The following CAST variants were observed in gnomAD, a reference collection of about 807,000 sequenced individuals.
CAST encodes calpastatin.
Under a neutral mutation model 119.6 loss-of-function variants are expected in CAST, and 76 were observed. That is an observed-to-expected ratio of 0.64 (90% CI 0.53 to 0.77). The LOEUF (loss-of-function observed/expected upper bound fraction) is 0.77, where lower values mean the gene tolerates loss of function less well. CAST is among the 30% of genes least tolerant of loss of function. CAST has a pLI of 0.00. For synonymous variants in CAST, 319 were observed against 331.6 expected, an observed-to-expected ratio of 0.96 and a Z score of 0.41; for missense variants, 953 against 946.5, an observed-to-expected ratio of 1.01 and a Z score of -0.09.
At chr5:96,510,636 G>A in the CAST span, among the ~76,000 whole-genome samples, 1 of 152,068 alleles carries the variant, frequency 6.6e-6, no homozygotes, top group African/African-American at 2.4e-5. Context: ...ACTGCAGAAA[G>A]GCAATCCAAA....
chr5:96,334,406 A>T, the CAST span, among the ~76,000 whole-genome samples: 1 of 152,242 alleles, frequency 6.6e-6, no homozygotes, highest in Middle Eastern at 3.4e-3. Context: ...CCCTAGTGCA[A>T]CTTGGGTGAG....
the CAST span, among the ~76,000 whole-genome samples, chr5:96,346,775 T>C: frequency 6.6e-6 from 1 of 152,150 alleles, no homozygotes; most frequent in East Asian, 1.9e-4. Flanking sequence ...ACCTGTTCTG[T>C]GACCCCCATC....
At chr5:96,634,194 G>A (rs1747857757) in intron 1 of CAST, among the ~76,000 whole-genome samples, 1 of 152,174 alleles carries the variant, frequency 6.6e-6, no homozygotes, top group Non-Finnish European at 1.5e-5. Context: ...GATTTCTTTT[G>A]TGGAGTGTGT....
chr5:96,538,856 T>C (rs1353312845), intron 1 of CAST, among the ~76,000 whole-genome samples: 4 of 149,924 alleles, frequency 2.7e-5, no homozygotes, highest in Admixed American at 1.3e-4. Flanking sequence ...TTAAAAAAAA[T>C]CTCAGGAAGT....
At chr5:96,212,275 T>C in the CAST span, among the ~76,000 whole-genome samples, 1 of 152,184 alleles carries the variant, frequency 6.6e-6, no homozygotes, top group Non-Finnish European at 1.5e-5. Context: ...TGCTGTAAAT[T>C]TCCCTCTAAG....
At chr5:95,982,054 C>T in the CAST span, among the ~76,000 whole-genome samples, 858 of 150,640 alleles carry the variant, frequency 5.7e-3, 1 homozygote, top group Non-Finnish European at 9.4e-3. Flanking sequence ...CATTACAGTT[C>T]GATTACATAT....
the CAST span, among the ~76,000 whole-genome samples, chr5:96,217,681 A>G: frequency 6.6e-6 from 1 of 152,238 alleles, no homozygotes; most frequent in East Asian, 1.9e-4. Context: ...AATATGGATG[A>G]GTGTCAGAAA....
intron 3 of CAST, among the ~76,000 whole-genome samples, chr5:96,722,187 C>T (rs11738358): frequency 0.24 from 35,938 of 152,098 alleles, 4,961 homozygotes; most frequent in Non-Finnish European, 0.32. Context: ...AGACAAAGCT[C>T]AAAGTCACAG....
At chr5:96,152,909 A>G in the CAST span, among the ~76,000 whole-genome samples, 20 of 152,230 alleles carry the variant, frequency 1.3e-4, no homozygotes, top group Non-Finnish European at 2.8e-4. Context: ...TGCCTGACAC[A>G]CAGAAAGTTC....
chr5:96,244,850 CTT>C, the CAST span, among the ~76,000 whole-genome samples: 1 of 152,016 alleles, frequency 6.6e-6, no homozygotes, highest in African/African-American at 2.4e-5. Flanking sequence ...TATTGAGTGA[CTT>C]TGTGGGTAAT....
the CAST span, among the ~76,000 whole-genome samples, chr5:95,977,231 G>A: frequency 6.6e-6 from 1 of 152,180 alleles, no homozygotes; most frequent in South Asian, 2.1e-4. Flanking sequence ...GGAAGCACTG[G>A]CAGATTCAGT....
intron 29 of CAST, chr5:96,769,069 T>C (rs1263384724): frequency 6.6e-6 from 1 of 152,234 alleles, no homozygotes; most frequent in East Asian, 1.9e-4. Flanking sequence ...TCCCTCAAGC[T>C]ACACCCTCTT....
At chr5:96,109,290 T>C in the CAST span, among the ~76,000 whole-genome samples, 2 of 152,204 alleles carry the variant, frequency 1.3e-5, no homozygotes, top group Non-Finnish European at 2.9e-5. Context: ...TTAAACATGC[T>C]TGGCAAAAAC....
chr5:96,763,083 G>T, intron 25 of CAST: 1 of 772,654 alleles, frequency 1.3e-6, no homozygotes, highest in South Asian at 1.4e-5. Flanking sequence ...GTTGAGAACA[G>T]TGCCTCATTT....
chr5:96,119,588 A>T, the CAST span, among the ~76,000 whole-genome samples: 1 of 152,192 alleles, frequency 6.6e-6, no homozygotes, highest in African/African-American at 2.4e-5. Flanking sequence ...AGTGACTATT[A>T]TGTTTTCACA....
Position 96,767,578 on chromosome 5 carries a change from A to G in CAST, c.2175+96A>G. On this transcript the variant is annotated intron_variant, in intron 28 of 31. Transcript: ENST00000675179. Reference sequence around the variant, plus strand: ...GAAAACTAAAACATATTGAATGCCTACTCTGTGCCTGGTACTTTGTCAAAG... The same window carrying G: ...GAAAACTAAAACATATTGAATGCCTGCTCTGTGCCTGGTACTTTGTCAAAG... 3.6e-6 allele frequency: 3 copies of G among 840,470 alleles called. No individual in the cohort carries two copies. The South Asian group carries it at 4.4e-5, about 12-fold the overall frequency. 52.1% of individuals were successfully genotyped at this position (840,470 alleles called of 1,614,324 possible).
At chr5:96,018,245 A>G in the CAST span, among the ~76,000 whole-genome samples, 2 of 149,970 alleles carry the variant, frequency 1.3e-5, no homozygotes, top group Non-Finnish European at 2.9e-5. Flanking sequence ...AAAAATGCAG[A>G]AAAACTATTT....
chr5:96,373,334 G>A, the CAST span, among the ~76,000 whole-genome samples: 1 of 152,192 alleles, frequency 6.6e-6, no homozygotes, highest in Non-Finnish European at 1.5e-5. Context: ...GTAAGGTGCA[G>A]GGTAGGACAT....
intron 1 of CAST, among the ~76,000 whole-genome samples, chr5:96,648,399 A>C (rs555473542): frequency 6.6e-6 from 1 of 152,196 alleles, no homozygotes; most frequent in South Asian, 2.1e-4. Flanking sequence ...TGTATATTTA[A>C]TATTTAGGTA....
Sources: allele counts gnomAD v4.1 joint callset (sites outside exome capture counted in the v4.1 genomes callset), GRCh38; gene constraint gnomAD v4.1.1; transcripts MANE v1.5; gene names NCBI Gene and HGNC (gene_info 2026-07-23, HGNC 2026-07-21).